Variants in PTPRM observed in about 807,000 individuals in gnomAD.
The protein encoded by PTPRM is protein tyrosine phosphatase receptor type M.
A neutral mutation model predicts 186.7 loss-of-function variants in PTPRM; 47 were observed. The observed-to-expected ratio is 0.25, with a 90% confidence interval of 0.20 to 0.32. The LOEUF (loss-of-function observed/expected upper bound fraction) is 0.32, where lower values mean the gene tolerates loss of function less well. Among genes scored for constraint, PTPRM ranks in the 10% least tolerant of loss-of-function variants. The pLI is 1.00. For missense variants in PTPRM, 1,494 were observed against 1,865.0 expected, an observed-to-expected ratio of 0.80 and a Z score of 3.66; for synonymous variants, 668 against 674.9, an observed-to-expected ratio of 0.99 and a Z score of 0.16.
chr18:7,646,703 T>C (rs2038572703), intron 1 of PTPRM, among the ~76,000 whole-genome samples: 1 of 152,184 alleles, frequency 6.6e-6, no homozygotes, highest in Non-Finnish European at 1.5e-5. Flanking sequence ...AGCACCTGTC[T>C]TACCTGAGCA....
chr18:7,814,869 G>A (rs1257786750), intron 2 of PTPRM: 1 of 152,176 alleles, frequency 6.6e-6, no homozygotes, highest in Admixed American at 6.5e-5. Flanking sequence ...CCAGAAAACT[G>A]ATGTTTATGG....
intron 21 of PTPRM, among the ~76,000 whole-genome samples, chr18:8,316,987 G>C (rs1199392271): frequency 2.0e-5 from 3 of 152,172 alleles, no homozygotes; most frequent in African/African-American, 7.2e-5. Context: ...CATGGTGTAT[G>C]GGGGCCTGCG....
intron 23 of PTPRM, among the ~76,000 whole-genome samples, chr18:8,344,417 A>G (rs2095492365): frequency 7.7e-6 from 1 of 129,890 alleles, no homozygotes; most frequent in African/African-American, 3.1e-5. Flanking sequence ...CAATATAAGT[A>G]GGAGATATAT....
At chr18:7,762,512 C>G (rs1427148648) in intron 1 of PTPRM, among the ~76,000 whole-genome samples, 1 of 152,084 alleles carries the variant, frequency 6.6e-6, no homozygotes, top group East Asian at 1.9e-4. Flanking sequence ...AGAAAAACAA[C>G]AGATGTCACA....
At chr18:7,630,965 A>G (rs1433555501) in intron 1 of PTPRM, among the ~76,000 whole-genome samples, 2 of 152,140 alleles carry the variant, frequency 1.3e-5, no homozygotes, top group Non-Finnish European at 2.9e-5. Context: ...GTGCCATGTG[A>G]AAGTGAGAGC....
chr18:7,750,010 C>T (rs186037371), intron 1 of PTPRM, among the ~76,000 whole-genome samples: 1 of 152,290 alleles, frequency 6.6e-6, no homozygotes, highest in East Asian at 1.9e-4. Flanking sequence ...TTTTGACTCC[C>T]TAAGCAAAGG....
At chr18:8,234,583 CT>C (rs1276974654) in intron 14 of PTPRM, among the ~76,000 whole-genome samples, 2 of 152,048 alleles carry the variant, frequency 1.3e-5, no homozygotes, top group Non-Finnish European at 2.9e-5. Flanking sequence ...ATTTTCTTGT[CT>C]TATGGCATTA....
intron 14 of PTPRM, among the ~76,000 whole-genome samples, chr18:8,235,456 CTTTT>C (rs58166609): frequency 5.3e-4 from 54 of 102,312 alleles, no homozygotes; most frequent in South Asian, 1.0e-3. Context: ...TCTGTGTCTT[CTTTT>C]TTTTTTTTTT....
chr18:8,331,489 C>A (rs1443549782), intron 22 of PTPRM, among the ~76,000 whole-genome samples: 1 of 152,236 alleles, frequency 6.6e-6, no homozygotes, highest in Non-Finnish European at 1.5e-5. Context: ...AGCCTACACT[C>A]TAGAGTTGCA....
At chr18:8,363,497 C>A (rs1251849) in intron 23 of PTPRM, among the ~76,000 whole-genome samples, 2 of 152,194 alleles carry the variant, frequency 1.3e-5, no homozygotes, top group East Asian at 3.9e-4. Flanking sequence ...ATGTACCTGG[C>A]GGCATATATA....
chr18:7,796,213 T>C (rs1478095134), intron 2 of PTPRM, among the ~76,000 whole-genome samples: 4 of 151,872 alleles, frequency 2.6e-5, no homozygotes. Flanking sequence ...TTAACGGATG[T>C]TCACTGGTGA....
At chr18:8,188,357 A>G (rs2093668797) in intron 14 of PTPRM, among the ~76,000 whole-genome samples, 1 of 152,360 alleles carries the variant, frequency 6.6e-6, no homozygotes, top group African/African-American at 2.4e-5. Flanking sequence ...ATTCTGCAGT[A>G]CTGAACCAAC....
intron 7 of PTPRM, among the ~76,000 whole-genome samples, chr18:8,049,003 A>C (rs1325907118): frequency 6.6e-6 from 1 of 152,212 alleles, no homozygotes; most frequent in African/African-American, 2.4e-5. Flanking sequence ...TGAGGGTTAC[A>C]AAAGGTCAAA....
At chr18:7,795,016 A>G (rs758416209) in intron 2 of PTPRM, among the ~76,000 whole-genome samples, 11 of 152,294 alleles carry the variant, frequency 7.2e-5, no homozygotes, top group Non-Finnish European at 1.0e-4. Context: ...AAGCTCACAT[A>G]TATTTAAAAG....
intron 31 of PTPRM, 21 bp from the exon 32 acceptor site, chr18:8,394,454 CA>C: frequency 1.2e-6 from 2 of 1,600,300 alleles, no homozygotes; most frequent in African/African-American, 1.3e-5. Flanking sequence ...CGAGTGCAGT[CA>C]TCTGATCTTT....
chr18:7,573,716 A>G (rs920050364), intron 1 of PTPRM, among the ~76,000 whole-genome samples: 4 of 151,898 alleles, frequency 2.6e-5, no homozygotes, highest in African/African-American at 9.7e-5. Context: ...CAGCCTCCCG[A>G]GTGGCTGGAA....
At chr18:7,662,517 G>C (rs564524057) in intron 1 of PTPRM, among the ~76,000 whole-genome samples, 134 of 152,232 alleles carry the variant, frequency 8.8e-4, no homozygotes, top group African/African-American at 3.2e-3. Context: ...AATTAAAACA[G>C]TTGAATTCAT....
intron 24 of PTPRM, among the ~76,000 whole-genome samples, chr18:8,371,218 TATTTTGCAA>T (rs1367507477): frequency 5.3e-5 from 8 of 152,254 alleles, no homozygotes; most frequent in Non-Finnish European, 1.0e-4. Flanking sequence ...TAAGAATCTA[TATTTTGCAA>T]GTAAACCAAA....
At chr18:8,299,002 G>C (rs547081882) in intron 20 of PTPRM, among the ~76,000 whole-genome samples, 1 of 152,290 alleles carries the variant, frequency 6.6e-6, no homozygotes, top group South Asian at 2.1e-4. Flanking sequence ...TGCAGTCCCA[G>C]CTACTCAGGA....
Sources: gnomAD v4.1 joint callset for allele counts (sites outside exome capture counted in the v4.1 genomes callset) on GRCh38, gnomAD v4.1.1 for gene constraint, MANE v1.5 for transcripts, NCBI Gene and HGNC (gene_info 2026-07-23, HGNC 2026-07-21) for gene names.